CCDC149: variants seen among roughly 807,000 people sequenced by gnomAD.
CCDC149 encodes coiled-coil domain-containing protein 149.
In CCDC149, 45 loss-of-function variants were observed where a neutral mutation model predicts 59.9. The observed-to-expected ratio is 0.75, with a 90% confidence interval of 0.59 to 0.96. CCDC149 has a LOEUF of 0.96. Among genes scored for constraint, CCDC149 ranks in the 40% least tolerant of loss-of-function variants. The probability of loss-of-function intolerance (pLI) is 0.00; values close to 1 mark genes in which losing one functional copy is unlikely to be tolerated. For synonymous variants in CCDC149, 245 were observed against 260.6 expected (o/e 0.94, Z 0.58); for missense variants, 584 against 664.7 (o/e 0.88, Z 1.33).
chr4:24,931,829 G>GTATATATATATATATATAGATATATA (rs1722598308), intron 1 of CCDC149, among the ~76,000 whole-genome samples: 1 of 76,908 alleles, frequency 1.3e-5, no homozygotes, highest in African/African-American at 6.1e-5. Flanking sequence ...TGGAGAGTAT[G>GTATATATATATATATATAGATATATA]TATATATATA....
At chr4:24,887,550 G>GCCTT (rs1017216131) in intron 1 of CCDC149, among the ~76,000 whole-genome samples, 2 of 151,976 alleles carry the variant, frequency 1.3e-5, no homozygotes, top group African/African-American at 4.8e-5. Flanking sequence ...AACTGCCCTT[G>GCCTT]CCTTCCCCTC....
chr4:24,907,878 G>A (rs927870568), intron 1 of CCDC149, among the ~76,000 whole-genome samples: 6 of 152,274 alleles, frequency 3.9e-5, no homozygotes, highest in Admixed American at 6.5e-5. Context: ...CCTAGTTTCC[G>A]GTGGTCACCA....
intron 1 of CCDC149, among the ~76,000 whole-genome samples, chr4:24,946,253 T>A (rs886319655): frequency 2.0e-5 from 3 of 152,178 alleles, no homozygotes; most frequent in African/African-American, 7.2e-5. Context: ...CTGAATCCTA[T>A]CCACTTTCAG....
rs187360053 is a variant in CCDC149 at position 24,939,739 on chromosome 4, G to A, written c.-65+40330C>T. On this transcript the variant is annotated intron_variant, in intron 1 of 12. Coordinates refer to the CCDC149 transcript ENST00000389609. The stretch of plus-strand genomic sequence containing the variant: ...CTGAAAACCACAGCACGAGAACTAC[G>A]CGACGAACGCACAAGCCTCAGTAAC... Among the ~76,000 whole-genome samples the A allele has an allele frequency of 2.7e-3, 405 of 152,228 alleles. 5 individuals are homozygous for A. The highest frequency in any genetic ancestry group is 9.2e-3 in the African/African-American group (382 of 41,532).
At chr4:24,854,408 C>T (rs1297494117) in intron 3 of CCDC149, among the ~76,000 whole-genome samples, 2 of 152,096 alleles carry the variant, frequency 1.3e-5, no homozygotes, top group Non-Finnish European at 2.9e-5. Context: ...GTTTTAAAAG[C>T]TCATAATGAA....
chr4:24,960,075 T>C (rs1000994947), intron 1 of CCDC149, among the ~76,000 whole-genome samples: 2 of 152,140 alleles, frequency 1.3e-5, no homozygotes, highest in African/African-American at 4.8e-5. Context: ...AATTGTGGAG[T>C]TTATAACATA....
At chr4:24,880,889 A>T (rs1234578909) in intron 1 of CCDC149, among the ~76,000 whole-genome samples, 1 of 152,194 alleles carries the variant, frequency 6.6e-6, no homozygotes, top group East Asian at 1.9e-4. Flanking sequence ...CACCTGGAAG[A>T]TGAGGGGGTT....
At chr4:24,857,381 T>C (rs1365687574) in intron 3 of CCDC149, among the ~76,000 whole-genome samples, 1 of 152,204 alleles carries the variant, frequency 6.6e-6, no homozygotes, top group Non-Finnish European at 1.5e-5. Flanking sequence ...TATCATTAGA[T>C]TCAACAGACA....
chr4:24,919,103 T>A (rs1722213491), intron 1 of CCDC149, among the ~76,000 whole-genome samples: 1 of 152,226 alleles, frequency 6.6e-6, no homozygotes, highest in African/African-American at 2.4e-5. Flanking sequence ...TGGTTGCCAC[T>A]TACTAGCCCC....
intron 4 of CCDC149, among the ~76,000 whole-genome samples, chr4:24,845,395 T>G (rs1717222599): frequency 6.6e-6 from 1 of 152,196 alleles, no homozygotes. Context: ...CTCTAGCCCC[T>G]TATCCTGCTT....
At chr4:24,884,260 C>A (rs182491714) in intron 1 of CCDC149, among the ~76,000 whole-genome samples, 40 of 152,328 alleles carry the variant, frequency 2.6e-4, no homozygotes, top group Admixed American at 1.0e-3. Flanking sequence ...TTTAAATACA[C>A]AAACATTTAC....
intron 1 of CCDC149, among the ~76,000 whole-genome samples, chr4:24,901,292 A>G (rs542558165): frequency 2.2e-4 from 32 of 146,426 alleles, no homozygotes; most frequent in African/African-American, 7.5e-4. Flanking sequence ...AACTTAAGCA[A>G]CTTCTCTGCC....
At chr4:24,901,444 G>C (rs531159632) in intron 1 of CCDC149, among the ~76,000 whole-genome samples, 13 of 152,180 alleles carry the variant, frequency 8.5e-5, no homozygotes, top group Non-Finnish European at 1.5e-4. Flanking sequence ...TATTCAACGT[G>C]AAACTCACTA....
chr4:24,977,488 C>G (rs1245112836), intron 1 of CCDC149, among the ~76,000 whole-genome samples: 1 of 152,186 alleles, frequency 6.6e-6, no homozygotes, highest in Non-Finnish European at 1.5e-5. Context: ...TGAATCAAGT[C>G]TCTGTCATTT....
rs1723754282 is a variant in CCDC149, at chr4:24,965,115, C to T, written c.-65+14954G>A. On this transcript the variant is annotated intron_variant, in intron 1 of 12. Coordinates refer to the CCDC149 transcript ENST00000389609. ...GTTTTGAACTTCAGAAGGGAAAAAA[C>T]ATTGGAATTTGGAATGGATAAAATT... Among the ~76,000 whole-genome samples the T allele has an allele frequency of 1.3e-5, 2 of 151,028 alleles. 1 individual carries two copies. Among genetic ancestry groups the T allele is most frequent in the South Asian group, 4.2e-4 (2 of 4,814 alleles).
At chr4:24,899,578 G>A (rs1244447418) in intron 1 of CCDC149, among the ~76,000 whole-genome samples, 5 of 152,178 alleles carry the variant, frequency 3.3e-5, no homozygotes, top group Non-Finnish European at 7.3e-5. Flanking sequence ...GGGCAGTGAA[G>A]CTGTGAACGG....
chr4:24,848,731 G>A (rs1188801788), intron 4 of CCDC149, among the ~76,000 whole-genome samples: 1 of 152,038 alleles, frequency 6.6e-6, no homozygotes, highest in African/African-American at 2.4e-5. Context: ...CATATGCTGA[G>A]GTTGCTAAGA....
At chr4:24,906,520 T>C (rs1721544636) in intron 1 of CCDC149, among the ~76,000 whole-genome samples, 1 of 151,966 alleles carries the variant, frequency 6.6e-6, no homozygotes, top group East Asian at 1.9e-4. Context: ...TGTCTCGGCC[T>C]CCCGAGTAGC....
At chr4:24,907,635 A>G (rs578002408) in intron 1 of CCDC149, among the ~76,000 whole-genome samples, 2 of 152,312 alleles carry the variant, frequency 1.3e-5, no homozygotes, top group South Asian at 4.1e-4. Flanking sequence ...AAAGATGGAG[A>G]GAAACTGTCT....
Sources: allele counts gnomAD v4.1 joint callset (sites outside exome capture counted in the v4.1 genomes callset), GRCh38; gene constraint gnomAD v4.1.1; transcripts MANE v1.5; gene names NCBI Gene and HGNC (gene_info 2026-07-23, HGNC 2026-07-21).